The following GNB1 variants were observed in gnomAD, a reference collection of about 807,000 sequenced individuals.
GNB1 encodes guanine nucleotide-binding protein G(I)/G(S)/G(T) subunit beta-1.
GNB1 carries 2 observed loss-of-function variants against 42.9 expected under a neutral mutation model. The observed-to-expected ratio is 0.05, with a 90% CI of 0.02 to 0.15. GNB1 has a LOEUF of 0.15. GNB1 is among the 10% of genes least tolerant of loss of function. GNB1 has a pLI of 1.00. For missense variants in GNB1, 193 were observed against 462.2 expected, an observed-to-expected ratio of 0.42 and a Z score of 5.34; for synonymous variants, 183 against 174.7, an observed-to-expected ratio of 1.05 and a Z score of -0.38.
chr1:1,870,225 T>G (rs1649174086), intron 1 of GNB1, among the ~76,000 whole-genome samples: 1 of 152,216 alleles, frequency 6.6e-6, no homozygotes, highest in African/African-American at 2.4e-5. Flanking sequence ...AAGGTCTCAC[T>G]CTGGCACCCA....
At chr1:1,796,422 G>A (rs1646547030) in intron 7 of GNB1, among the ~76,000 whole-genome samples, 1 of 152,252 alleles carries the variant, frequency 6.6e-6, no homozygotes, top group Non-Finnish European at 1.5e-5. Context: ...CATGGCAGCT[G>A]AGGAAGAGTG....
chr1:1,797,211 A>G (rs1201108157), intron 7 of GNB1, among the ~76,000 whole-genome samples: 1 of 152,160 alleles, frequency 6.6e-6, no homozygotes, highest in Non-Finnish European at 1.5e-5. Context: ...CAATGTTTAT[A>G]ATAAATTGTG....
chr1:1,851,912 G>T (rs575461072), intron 1 of GNB1, among the ~76,000 whole-genome samples: 1 of 151,052 alleles, frequency 6.6e-6, no homozygotes, highest in Non-Finnish European at 1.5e-5. Context: ...GCATGGTAGC[G>T]CATGCTTGTA....
intron 1 of GNB1, among the ~76,000 whole-genome samples, chr1:1,884,276 T>C (rs1161252269): frequency 6.6e-6 from 1 of 152,152 alleles, no homozygotes; most frequent in Non-Finnish European, 1.5e-5. Context: ...ATTTTTTGTA[T>C]TTTTAGTAGA....
At chr1:1,840,484 T>G (rs766747078) in intron 1 of GNB1, among the ~76,000 whole-genome samples, 213 of 152,354 alleles carry the variant, frequency 1.4e-3, no homozygotes, top group Non-Finnish European at 2.7e-3. Context: ...GCCGAGATCG[T>G]GCCGCTGCAC....
intron 1 of GNB1, among the ~76,000 whole-genome samples, chr1:1,851,414 GAAA>G (rs61558279): frequency 4.2e-5 from 5 of 118,776 alleles, no homozygotes; most frequent in African/African-American, 1.4e-4. Flanking sequence ...CCATCTCAAA[GAAA>G]AAAAAAAAAA....
intron 1 of GNB1, among the ~76,000 whole-genome samples, chr1:1,888,744 AAGAG>A (rs1329083140): frequency 2.0e-5 from 3 of 152,168 alleles, no homozygotes; most frequent in Non-Finnish European, 4.4e-5. Flanking sequence ...AGGCTGAGGC[AAGAG>A]AATCACTTGA....
In GNB1 at chr1:1,830,382, T is replaced by C. The variant is rs1037441129; in HGVS notation, c.-46-4883A>G. ...TTCACGCCACTCTCCTGCCTCAGCC[T>C]CTCCGAGTAGCTGGGACTACAGGCG... On this transcript the variant is annotated intron_variant, in intron 2 of 11. Transcript: ENST00000378609. 7.9e-5 allele frequency among the ~76,000 whole-genome samples: 12 copies of C among 151,472 alleles called. No individual in the cohort carries two copies. In the East Asian group the frequency reaches 2.4e-3, roughly 30 times the overall value.
intron 1 of GNB1, among the ~76,000 whole-genome samples, chr1:1,870,195 T>C (rs2101763842): frequency 6.6e-6 from 1 of 152,288 alleles, no homozygotes; most frequent in African/African-American, 2.4e-5. Context: ...TGTGGGGTTT[T>C]GTTTTTGCTT....
chr1:1,859,198 T>C (rs1396887135), intron 1 of GNB1, among the ~76,000 whole-genome samples: 1 of 151,990 alleles, frequency 6.6e-6, no homozygotes, highest in Non-Finnish European at 1.5e-5. Flanking sequence ...ATTTTTATAT[T>C]ATTAGTAGAG....
rs578236158 is a variant in GNB1 at position 1,791,708 on chromosome 1, A to G, written c.498-1112T>C. 7.2e-5 allele frequency among the ~76,000 whole-genome samples: 11 copies of G among 152,320 alleles called. No homozygotes were observed. The South Asian group carries it at 2.3e-3, about 32-fold the overall frequency. ...GGCTGGGCCTGGCAATGCAAATCCA[A>G]TCAGCCAATCTCAACAGACACTGCA... On this transcript the variant is annotated intron_variant, in intron 8 of 11. Transcript: ENST00000378609.
intron 1 of GNB1, among the ~76,000 whole-genome samples, chr1:1,843,858 G>A (rs571374583): frequency 2.0e-5 from 3 of 152,034 alleles, no homozygotes; most frequent in South Asian, 2.1e-4. Flanking sequence ...TCATGAGTTC[G>A]AGACCAGCCT....
At chr1:1,864,386 A>G (rs1231020971) in intron 1 of GNB1, among the ~76,000 whole-genome samples, 2 of 150,692 alleles carry the variant, frequency 1.3e-5, no homozygotes, top group Non-Finnish European at 1.5e-5. Flanking sequence ...CCACAGAAAG[A>G]GATGGCTGTA....
At chr1:1,829,308 G>A (rs1221421913) in intron 2 of GNB1, among the ~76,000 whole-genome samples, 3 of 152,088 alleles carry the variant, frequency 2.0e-5, no homozygotes, top group East Asian at 3.9e-4. Flanking sequence ...CGCCCGCCTC[G>A]GCCTCCCAAA....
intron 1 of GNB1, among the ~76,000 whole-genome samples, chr1:1,852,171 G>C (rs1486441212): frequency 6.7e-6 from 1 of 149,980 alleles, no homozygotes. Flanking sequence ...GTAATACCAG[G>C]GGGCGATCAC....
intron 8 of GNB1, among the ~76,000 whole-genome samples, chr1:1,792,189 G>C (rs148963237): frequency 6.6e-6 from 1 of 152,174 alleles, no homozygotes; most frequent in Admixed American, 6.5e-5. Flanking sequence ...CCGTTTACCT[G>C]TAAGGTGAAA....
At chr1:1,801,275 G>A (rs1257893720) in intron 7 of GNB1, among the ~76,000 whole-genome samples, 1 of 152,228 alleles carries the variant, frequency 6.6e-6, no homozygotes, top group Non-Finnish European at 1.5e-5. Context: ...TGATCTGCTT[G>A]CCTCGGCCTC....
intron 8 of GNB1, among the ~76,000 whole-genome samples, chr1:1,792,113 T>C (rs1646488170): frequency 6.6e-6 from 1 of 152,004 alleles, no homozygotes; most frequent in Admixed American, 6.6e-5. Context: ...ATAAAATAAC[T>C]ATCTGGACAT....
chr1:1,887,198 G>A (rs780227826), intron 1 of GNB1, among the ~76,000 whole-genome samples: 1 of 152,168 alleles, frequency 6.6e-6, no homozygotes, highest in African/African-American at 2.4e-5. Context: ...CCAATTTAGA[G>A]ACCAACATGA....
Sources: allele counts gnomAD v4.1 joint callset (sites outside exome capture counted in the v4.1 genomes callset), GRCh38; gene constraint gnomAD v4.1.1; transcripts MANE v1.5; gene names NCBI Gene and HGNC (gene_info 2026-07-23, HGNC 2026-07-21).